Variants in RDH10 observed in about 807,000 individuals in gnomAD.
RDH10 encodes retinol dehydrogenase 10.
A neutral mutation model predicts 30.2 loss-of-function variants in RDH10; 12 were observed. The ratio of observed to expected loss-of-function variants is 0.40; its 90% CI spans 0.25 to 0.64. The LOEUF (loss-of-function observed/expected upper bound fraction) is 0.64, where lower values mean the gene tolerates loss of function less well. Ranked by LOEUF, RDH10 falls within the 30% of genes least tolerant of loss-of-function variation. The pLI, the probability that RDH10 is intolerant of heterozygous loss-of-function variation, is 0.43. For synonymous variants in RDH10, 189 were observed against 172.2 expected, an observed-to-expected ratio of 1.10 and a Z score of -0.76; for missense variants, 268 against 445.2, an observed-to-expected ratio of 0.60 and a Z score of 3.58.
In RDH10 at chr8:73,294,871, T is replaced by TC. The variant is rs1814223635; in HGVS notation, c.-414dup. 1 of 385,666 alleles carries TC rather than the reference T, an allele frequency of 2.6e-6. No homozygotes were observed. Among genetic ancestry groups the TC allele is most frequent in the Non-Finnish European group, 4.6e-6 (1 of 217,922 alleles). The allele number at this position is 385,666 out of a possible 1,614,324, so 23.9% of individuals were successfully genotyped here. On this transcript the variant is annotated 5_prime_UTR_variant, in exon 1 of 6. Coordinates refer to ENST00000240285, the MANE Select transcript of RDH10 (RefSeq NM_172037.5). ...CCGTGCCGCCTCCGCTGCGCACCCC[T>TC]CCCCCGGGGTGAGAGGGAGCCGGCG...
chr8:73,320,475 GTT>G (rs55892941), intron 3 of RDH10, among the ~76,000 whole-genome samples: 26,123 of 136,802 alleles, frequency 0.19, 2,039 homozygotes, highest in Middle Eastern at 0.22. Flanking sequence ...TTTTGTTTTT[GTT>G]TTTTTTTTTT....
intron 2 of RDH10, among the ~76,000 whole-genome samples, chr8:73,305,334 G>A (rs1235710335): frequency 6.6e-6 from 1 of 152,172 alleles, no homozygotes; most frequent in Non-Finnish European, 1.5e-5. Context: ...GACAATCTGA[G>A]AAAATTTAAT....
intron 2 of RDH10, among the ~76,000 whole-genome samples, chr8:73,302,469 T>C (rs1008914228): frequency 6.6e-6 from 1 of 152,150 alleles, no homozygotes; most frequent in Non-Finnish European, 1.5e-5. Context: ...GTGGATTGCT[T>C]GAACCCAGGA....
Position 73,297,270 on chromosome 8 carries a change from G to A in RDH10, c.366G>A (p.Arg122=), listed in dbSNP as rs1563546036. The change falls in exon 2 of 6, where the codon AGG becomes AGA. Residue 122 remains arginine, a synonymous_variant. Coordinates refer to ENST00000240285, the MANE Select transcript of RDH10 (RefSeq NM_172037.5). ...CCTACACCTGTGACGTGGGGAAGAG[G>A]GAGAACGTCTACCTGACGGCTGAAA... ...VFTYTCDVGK[R]ENVYLTAERV... is the part of the protein sequence containing the mutation. 2 of 1,614,148 alleles carry A rather than the reference G, an allele frequency of 1.2e-6. No homozygotes were observed. The highest frequency in any genetic ancestry group is 4.5e-5 in the East Asian group (2 of 44,888).
chr8:73,297,552 T>C (rs1262358233), intron 2 of RDH10, 123 bp downstream of exon 2: 2 of 706,954 alleles, frequency 2.8e-6, no homozygotes, highest in Non-Finnish European at 5.1e-6. Context: ...TCTCCTTAGC[T>C]CTTCCCTATG....
intron 2 of RDH10, among the ~76,000 whole-genome samples, chr8:73,301,916 G>A (rs1464592461): frequency 6.6e-6 from 1 of 152,086 alleles, no homozygotes; most frequent in East Asian, 1.9e-4. Context: ...TTACTATTTT[G>A]TGTTAGAACT....
At chr8:73,312,843 T>G (rs1192962107) in intron 2 of RDH10, 1 of 152,242 alleles carries the variant, frequency 6.6e-6, no homozygotes, top group Non-Finnish European at 1.5e-5. Flanking sequence ...GAATGTCTAC[T>G]CTTTCTTGGA....
chr8:73,319,667 G>A (rs925096270), intron 3 of RDH10, among the ~76,000 whole-genome samples: 5 of 152,226 alleles, frequency 3.3e-5, no homozygotes, highest in Non-Finnish European at 5.9e-5. Context: ...TTCACTTGAC[G>A]ATGGCAGGAG....
rs1814243948 is a variant in RDH10, at chr8:73,295,440, C to T, written c.151C>T (p.Leu51Phe). The T allele has an allele frequency of 1.3e-6, 2 of 1,549,820 alleles. No individual in the cohort carries two copies. Among genetic ancestry groups the T allele is most frequent in the Non-Finnish European group, 1.7e-6 (2 of 1,148,446 alleles). The change falls in exon 1 of 6, where the codon CTC becomes TTC. Residue 51 changes from leucine (L) to phenylalanine (F), a missense_variant. By Grantham distance (22) the Leu-to-Phe change is conservative. This residue lies in a region of RDH10 where 42 missense variants were observed against 77.6 expected (regional missense o/e 0.54). Transcript: ENST00000240285. ...ITGAGSGLGRLFALEFARRRA... is the reference protein window; with the variant it reads ...ITGAGSGLGRFFALEFARRRA... ...CGGCGCCGGCAGCGGCCTGGGCCGC[C>T]TCTTCGCGCTGGAGTTCGCCCGGCG...
chr8:73,301,294 CCCG>C (rs1483924697), intron 2 of RDH10, among the ~76,000 whole-genome samples: 1 of 150,082 alleles, frequency 6.7e-6, no homozygotes, highest in African/African-American at 2.4e-5. Flanking sequence ...TCGTGATCCG[CCCG>C]CCTCGGCCTC....
rs777402901 is a variant in RDH10 at position 73,295,476 on chromosome 8, C to T, written c.187C>T (p.Leu63=). ...GGAGTTCGCCCGGCGTCGGGCGCTG[C>T]TGGTGCTGTGGGACATCAACACGCA... ...ALEFARRRAL[L]VLWDINTQSN... The change falls in exon 1 of 6, where the codon CTG becomes TTG. Residue 63 remains leucine, a synonymous_variant. Transcript: ENST00000240285. 6.4e-6 allele frequency: 10 copies of T among 1,552,964 alleles called. No homozygotes were observed. In the African/African-American group the frequency reaches 1.4e-4, roughly 21 times the overall value.
chr8:73,302,410 G>T (rs999628014), intron 2 of RDH10, among the ~76,000 whole-genome samples: 4 of 152,226 alleles, frequency 2.6e-5, no homozygotes, highest in Admixed American at 1.3e-4. Flanking sequence ...CTTGGGCGGG[G>T]TGCAGTGACT....
At chr8:73,311,135 T>C (rs1407732323) in intron 2 of RDH10, 2 of 152,042 alleles carry the variant, frequency 1.3e-5, no homozygotes, top group Admixed American at 1.3e-4. Flanking sequence ...ATTGGAAAAA[T>C]AATTGTTGAA....
intron 1 of RDH10, among the ~76,000 whole-genome samples, chr8:73,296,845 A>AGT (rs763115835): frequency 2.6e-5 from 4 of 152,100 alleles, no homozygotes; most frequent in South Asian, 2.1e-4. Context: ...AGGAGTGTGT[A>AGT]GTGTGTGTGT....
intron 1 of RDH10, among the ~76,000 whole-genome samples, chr8:73,296,111 T>C (rs375421062): frequency 1.6e-4 from 25 of 152,352 alleles, no homozygotes; most frequent in Non-Finnish European, 2.6e-4. Context: ...CTGAGCGTGA[T>C]TGAAAGACGC....
At chr8:73,295,778 C>T in intron 1 of RDH10, 200 bp downstream of exon 1, 1 of 968,014 alleles carries the variant, frequency 1.0e-6, no homozygotes, top group African/African-American at 1.7e-5. Context: ...GGAGAAGGTG[C>T]CCTGTCCTCG....
rs145134914 is a variant in RDH10, at chr8:73,294,730, G to A, written c.-560G>A. The A allele has an allele frequency of 1.8e-3, 647 of 368,444 alleles. No homozygotes were observed. The highest frequency in any genetic ancestry group is 7.8e-3 in the Middle Eastern group (11 of 1,416). The allele number at this position is 368,444 out of a possible 1,614,324, so 22.8% of individuals were successfully genotyped here. A position where few individuals can be genotyped will look rare whatever the true frequency, so the allele number is the denominator to read the frequency against. On this transcript the variant is annotated 5_prime_UTR_variant, in exon 1 of 6. Transcript: ENST00000240285. ...GGGGGCAGCTGCAAGGCGTTGGGCAGCGCTTGCCTGCGCCGAGCGAGTCTC... is the reference window on the plus strand; with the variant it reads ...GGGGGCAGCTGCAAGGCGTTGGGCAACGCTTGCCTGCGCCGAGCGAGTCTC...
Position 73,324,966 on chromosome 8 carries a change from G to A in RDH10, c.*1930G>A, listed in dbSNP as rs1412444023. 1 of 152,170 alleles carries A rather than the reference G, an allele frequency of 6.6e-6. No individual in the cohort carries two copies. Among genetic ancestry groups the A allele is most frequent in the Non-Finnish European group, 1.5e-5 (1 of 68,036 alleles). The allele number at this position is 152,170 out of a possible 1,614,324, so 9.4% of individuals were successfully genotyped here. A position where few individuals can be genotyped will look rare whatever the true frequency, so the allele number is the denominator to read the frequency against. ...CAAACCTTATGGCCCTTATAACAAT[G>A]GAGGCACTGGCTGCCTCTTAATTTT... is the stretch of plus-strand genomic sequence containing the variant. On this transcript the variant is annotated 3_prime_UTR_variant, in exon 6 of 6. Transcript: ENST00000240285.
chr8:73,317,129 A>G (rs555034053), intron 2 of RDH10, among the ~76,000 whole-genome samples: 33 of 152,340 alleles, frequency 2.2e-4, no homozygotes, highest in African/African-American at 7.5e-4. Context: ...ACAAATAAGT[A>G]TAAGACAATC....
Sources: allele counts gnomAD v4.1 joint callset (sites outside exome capture counted in the v4.1 genomes callset), GRCh38; gene constraint gnomAD v4.1.1; regional missense constraint gnomAD v4.1.1; transcripts MANE v1.5; gene names NCBI Gene and HGNC (gene_info 2026-07-23, HGNC 2026-07-21).